Variants in NCK1 observed in about 807,000 individuals in gnomAD.
NCK1 encodes SH2/SH3 adapter protein NCK1.
NCK1 carries 19 observed loss-of-function variants against 36.6 expected under a neutral mutation model. The ratio of observed to expected loss-of-function variants is 0.52; its 90% confidence interval spans 0.36 to 0.76. The LOEUF is 0.76. Among genes scored for constraint, NCK1 ranks in the 30% least tolerant of loss-of-function variants. The probability of loss-of-function intolerance (pLI) is 0.00; values close to 1 mark genes in which losing one functional copy is unlikely to be tolerated. For synonymous variants in NCK1, 165 were observed against 156.0 expected, an observed-to-expected ratio of 1.06 and a Z score of -0.43; for missense variants, 358 against 445.6, an observed-to-expected ratio of 0.80 and a Z score of 1.77.
chr3:136,929,054 T>C (rs1264699499), intron 2 of NCK1, among the ~76,000 whole-genome samples: 2 of 152,110 alleles, frequency 1.3e-5, no homozygotes, highest in East Asian at 1.9e-4. Context: ...CTGACAAATA[T>C]GAAATACTGT....
chr3:136,943,299 G>T (rs746145509), intron 2 of NCK1, among the ~76,000 whole-genome samples: 1 of 152,142 alleles, frequency 6.6e-6, no homozygotes, highest in Non-Finnish European at 1.5e-5. Context: ...GGATTTCTCT[G>T]AAGGCTATCA....
At chr3:136,899,585 T>G in intron 1 of NCK1, 1 of 609,414 alleles carries the variant, frequency 1.6e-6, no homozygotes, top group Non-Finnish European at 3.1e-6. Context: ...CCAGAAAAAT[T>G]TTCCTCTGTT....
At chr3:136,942,311 G>A (rs1940699455) in intron 2 of NCK1, among the ~76,000 whole-genome samples, 1 of 152,148 alleles carries the variant, frequency 6.6e-6, no homozygotes, top group Non-Finnish European at 1.5e-5. Flanking sequence ...CCTCCCCAGG[G>A]CTTATTACTG....
intron 2 of NCK1, among the ~76,000 whole-genome samples, chr3:136,939,154 C>G (rs980976031): frequency 4.6e-5 from 7 of 152,182 alleles, no homozygotes; most frequent in Non-Finnish European, 1.0e-4. Flanking sequence ...GAATCTTTTA[C>G]TTGTTATATG....
chr3:136,931,319 G>A (rs984783064), intron 2 of NCK1, among the ~76,000 whole-genome samples: 2 of 152,010 alleles, frequency 1.3e-5, no homozygotes, highest in African/African-American at 2.4e-5. Context: ...CATTTGCTTG[G>A]TGTTTCTAGA....
intron 1 of NCK1, among the ~76,000 whole-genome samples, chr3:136,917,557 A>G (rs1940001627): frequency 6.6e-6 from 1 of 152,230 alleles, no homozygotes; most frequent in South Asian, 2.1e-4. Flanking sequence ...GTAACCAAAT[A>G]TGAAAGCAAT....
At chr3:136,918,522 C>T (rs1328122226) in intron 1 of NCK1, among the ~76,000 whole-genome samples, 1 of 152,194 alleles carries the variant, frequency 6.6e-6, no homozygotes, top group Non-Finnish European at 1.5e-5. Context: ...TTGAGCATCT[C>T]TGGATTTTGG....
intron 1 of NCK1, among the ~76,000 whole-genome samples, chr3:136,921,345 G>T (rs895793766): frequency 6.6e-6 from 1 of 152,212 alleles, no homozygotes; most frequent in East Asian, 1.9e-4. Flanking sequence ...CCAGCAAAAT[G>T]AAGGGTAAAG....
chr3:136,891,001 G>A (rs1939228992), intron 1 of NCK1, among the ~76,000 whole-genome samples: 1 of 152,174 alleles, frequency 6.6e-6, no homozygotes, highest in Non-Finnish European at 1.5e-5. Context: ...TGTCCTTTAT[G>A]ACTGGCTTAT....
intron 2 of NCK1, among the ~76,000 whole-genome samples, chr3:136,931,827 G>A (rs936913059): frequency 6.6e-6 from 1 of 152,088 alleles, no homozygotes; most frequent in African/African-American, 2.4e-5. Flanking sequence ...GACATAAAAA[G>A]AATCCATTGT....
chr3:136,911,806 CAT>C (rs1939832570), intron 1 of NCK1, among the ~76,000 whole-genome samples: 1 of 151,972 alleles, frequency 6.6e-6, no homozygotes, highest in African/African-American at 2.4e-5. Context: ...TTTGGAAAGT[CAT>C]AATTTTTCCC....
At chr3:136,867,221 TTCCGTCCA>T (rs1938474643) in intron 1 of NCK1, among the ~76,000 whole-genome samples, 1 of 125,346 alleles carries the variant, frequency 8.0e-6, no homozygotes, top group African/African-American at 3.0e-5. Flanking sequence ...CCTTCCTTCC[TTCCGTCCA>T]TCCATCCGTC....
At chr3:136,862,762 G>A (rs1438530942) in intron 1 of NCK1, among the ~76,000 whole-genome samples, 1 of 152,256 alleles carries the variant, frequency 6.6e-6, no homozygotes, top group East Asian at 1.9e-4. Context: ...GTAGGGACGT[G>A]GTAGGAGGAA....
chr3:136,927,730 A>C (rs1940280499), intron 1 of NCK1, among the ~76,000 whole-genome samples: 1 of 152,130 alleles, frequency 6.6e-6, no homozygotes, highest in African/African-American at 2.4e-5. Flanking sequence ...CATGTTGGCC[A>C]AGCTGGTCTC....
At chr3:136,934,229 G>A (rs116805887) in intron 2 of NCK1, among the ~76,000 whole-genome samples, 4 of 151,904 alleles carry the variant, frequency 2.6e-5, no homozygotes, top group South Asian at 2.1e-4. Flanking sequence ...GGGGGTACAT[G>A]TGAAGGTTTG....
chr3:136,874,844 A>AG (rs2108071709), intron 1 of NCK1, among the ~76,000 whole-genome samples: 1 of 152,270 alleles, frequency 6.6e-6, no homozygotes, highest in South Asian at 2.1e-4. Context: ...TGGTTGGCTA[A>AG]GGATTCTAGG....
intron 1 of NCK1, among the ~76,000 whole-genome samples, chr3:136,871,252 TA>T (rs1482616967): frequency 6.6e-6 from 1 of 151,812 alleles, no homozygotes; most frequent in Non-Finnish European, 1.5e-5. Context: ...AAAAAAAAAT[TA>T]GCCAGGTTTG....
At chr3:136,945,238 C>T (rs1940779046) in intron 2 of NCK1, among the ~76,000 whole-genome samples, 1 of 152,096 alleles carries the variant, frequency 6.6e-6, no homozygotes, top group Admixed American at 6.5e-5. Flanking sequence ...CCTTTGTGTA[C>T]TTAGATTGTA....
chr3:136,942,255 T>C (rs1411196311), intron 2 of NCK1, among the ~76,000 whole-genome samples: 1 of 152,220 alleles, frequency 6.6e-6, no homozygotes, highest in East Asian at 1.9e-4. Flanking sequence ...AAATATAGAA[T>C]TCTTTGTTGG....
Sources: gnomAD v4.1 joint callset for allele counts (sites outside exome capture counted in the v4.1 genomes callset) on GRCh38, gnomAD v4.1.1 for gene constraint, MANE v1.5 for transcripts, NCBI Gene and HGNC (gene_info 2026-07-23, HGNC 2026-07-21) for gene names.